The following CYP4F8 variants were observed in gnomAD, a reference collection of about 807,000 sequenced individuals.
CYP4F8 encodes cytochrome P450 4F8.
In CYP4F8, 56 loss-of-function variants were observed where a neutral mutation model predicts 55.0. That is an observed-to-expected ratio of 1.02 (90% CI 0.82 to 1.27). CYP4F8 has a LOEUF of 1.27. Among genes scored for constraint, CYP4F8 ranks in the 50% most tolerant of loss-of-function variants. The pLI, the probability that CYP4F8 is intolerant of heterozygous loss-of-function variation, is 0.00. For missense variants in CYP4F8, 680 were observed against 682.4 expected, an observed-to-expected ratio of 1.00 and a Z score of 0.04; for synonymous variants, 288 against 267.3, an observed-to-expected ratio of 1.08 and a Z score of -0.76.
intron 5 of CYP4F8, 148 bp from the exon 6 acceptor site, chr19:15,622,071 C>T: frequency 1.9e-6 from 2 of 1,062,700 alleles, no homozygotes; most frequent in East Asian, 2.8e-5. Flanking sequence ...CTTCCACTCT[C>T]ACCCAAGCGT....
Position 15,628,401 on chromosome 19 carries a change from C to A in CYP4F8, c.1215C>A (p.Asp405Glu). ...CATTCGCCCGCGGCTGCACCCAGGA[C>A]GTGGTGCTCCCAGACAGCCGAGTCA... ...IPTFARGCTQ[D>E]VVLPDSRVIP... is the part of the protein sequence containing the mutation. Residue 405 changes from aspartate (D) to glutamate (E), a missense_variant, in exon 10 of 13, where the codon GAC (aspartate) becomes GAA (glutamate). Asp to Glu is a conservative substitution (Grantham distance 45, BLOSUM62 2). Transcript: ENST00000612078. 1 of 1,614,100 alleles carries A rather than the reference C, an allele frequency of 6.2e-7. No individual in the cohort carries two copies. Among genetic ancestry groups the A allele is most frequent in the Non-Finnish European group, 8.5e-7 (1 of 1,180,006 alleles).
At chr19:15,624,511 C>A (rs1274187613) in intron 9 of CYP4F8, among the ~76,000 whole-genome samples, 2 of 152,112 alleles carry the variant, frequency 1.3e-5, no homozygotes, top group Non-Finnish European at 2.9e-5. Flanking sequence ...ACTTTCCAGC[C>A]TTTTGGTATA....
In CYP4F8 at chr19:15,619,863, A is replaced by G. The variant is rs1204448118; in HGVS notation, c.525+101A>G. The G allele has an allele frequency of 4.9e-6, 7 of 1,428,488 alleles. No individual in the cohort carries two copies. The African/African-American group carries it at 7.1e-5, about 14-fold the overall frequency. The allele number at this position is 1,428,488 out of a possible 1,614,324, so 88.5% of individuals were successfully genotyped here. ...GGCTCTCCTGGGTGGGTTTGGGGCC[A>G]TTGCTCTTCCTCTCTGTGCCTTGAT... On this transcript the variant is annotated intron_variant, in intron 5 of 12. Coordinates refer to ENST00000612078, the MANE Select transcript of CYP4F8 (RefSeq NM_007253.4).
chr19:15,628,933 T>A lies in CYP4F8; in HGVS notation c.1397+90T>A, dbSNP rs1972299708. 2.8e-6 allele frequency: 4 copies of A among 1,409,546 alleles called. No individual in the cohort carries two copies. In the Admixed American group the frequency reaches 9.0e-5, roughly 32 times the overall value. 87.3% of individuals were successfully genotyped at this position (1,409,546 alleles called of 1,614,324 possible). A position where few individuals can be genotyped will look rare whatever the true frequency, so the allele number is the denominator to read the frequency against. ...ATGCCTGACTTGTAGGACCACGTGT[T>A]TCTGTGATAGGGGTTTTAAAGAAGA... is the stretch of plus-strand genomic sequence containing the variant. On this transcript the variant is annotated intron_variant, in intron 12 of 12. Transcript: ENST00000612078.
At chr19:15,622,453 G>A in intron 6 of CYP4F8, 113 bp downstream of exon 6, 1 of 1,413,532 alleles carries the variant, frequency 7.1e-7, no homozygotes, top group South Asian at 1.3e-5. Context: ...TGAGAACTAG[G>A]CATTGAAGGA....
chr19:15,618,369 G>A, intron 3 of CYP4F8: 1 of 759,984 alleles, frequency 1.3e-6, no homozygotes, highest in Non-Finnish European at 2.2e-6. Context: ...GAACCACTGG[G>A]GCCCCGAGAA....
chr19:15,619,801 G>A, intron 5 of CYP4F8, 39 bp downstream of exon 5: 2 of 1,606,652 alleles, frequency 1.2e-6, no homozygotes, highest in East Asian at 4.5e-5. Context: ...TGCAGCCTTG[G>A]GGTGGAGGGA....
At chr19:15,621,617 G>A (rs1221471775) in intron 5 of CYP4F8, 3 of 152,214 alleles carry the variant, frequency 2.0e-5, no homozygotes, top group African/African-American at 7.2e-5. Context: ...AAAATGTTCA[G>A]GGGGATCACA....
chr19:15,623,857 A>C (rs1972227595), intron 8 of CYP4F8, 92 bp downstream of exon 8: 2 of 1,595,962 alleles, frequency 1.3e-6, no homozygotes. Context: ...CATTCTGCCC[A>C]ACCTCCCCCT....
In CYP4F8 at chr19:15,622,008, C is replaced by T. The variant is rs1292154530; in HGVS notation, c.526-211C>T. 4 of 558,414 alleles carry T rather than the reference C, an allele frequency of 7.2e-6. No homozygotes were observed. In the African/African-American group the frequency reaches 7.8e-5, roughly 11 times the overall value. 34.6% of individuals were successfully genotyped at this position (558,414 alleles called of 1,614,324 possible). A position where few individuals can be genotyped will look rare whatever the true frequency, so the allele number is the denominator to read the frequency against. Reference sequence around the variant, plus strand: ...CCAAGGGTACACACAGCTTAGGAATCACAGCTGGGGCTTGAACCCAGCCAT... The same window carrying T: ...CCAAGGGTACACACAGCTTAGGAATTACAGCTGGGGCTTGAACCCAGCCAT... On this transcript the variant is annotated intron_variant, in intron 5 of 12. Coordinates refer to ENST00000612078, the MANE Select transcript of CYP4F8 (RefSeq NM_007253.4).
In CYP4F8 at chr19:15,628,334, T is replaced by C. The variant is rs1972288029; in HGVS notation, c.1148T>C (p.Met383Thr). 1.9e-6 allele frequency: 3 copies of C among 1,614,104 alleles called. No individual in the cohort carries two copies. Among genetic ancestry groups the C allele is most frequent in the Non-Finnish European group, 8.5e-7 (1 of 1,180,018 alleles). The change falls in exon 10 of 13, where the codon ATG becomes ACG. Residue 383 changes from methionine to threonine, a missense_variant. By Grantham distance (81) the Met-to-Thr change is moderately conservative (BLOSUM62 -1). Coordinates refer to ENST00000612078, the MANE Select transcript of CYP4F8 (RefSeq NM_007253.4). Reference protein sequence around the residue: ...DDLAQLPFLTMCLKESLRLHP... With the variant: ...DDLAQLPFLTTCLKESLRLHP... ...CTGGCCCAGTTGCCCTTCCTGACCA[T>C]GTGCCTGAAGGAGAGCCTGCGGTTG...
In CYP4F8 at chr19:15,628,322, C is replaced by A. The variant is rs758420852; in HGVS notation, c.1136C>A (p.Pro379His). The part of the protein sequence containing the change: ...EIEWDDLAQL[P>H]FLTMCLKESL... ...CTTAGGGACGACCTGGCCCAGTTGCCCTTCCTGACCATGTGCCTGAAGGAG... is the reference window on the plus strand; with the variant it reads ...CTTAGGGACGACCTGGCCCAGTTGCACTTCCTGACCATGTGCCTGAAGGAG... The change falls in exon 10 of 13, where the codon CCC (proline) becomes CAC (histidine). Residue 379 changes from proline to histidine, a missense_variant. By Grantham distance (77) the Pro-to-His change is moderately conservative. Coordinates refer to ENST00000612078, the MANE Select transcript of CYP4F8 (RefSeq NM_007253.4). The A allele has an allele frequency of 3.1e-6, 5 of 1,613,924 alleles. No homozygotes were observed. Among genetic ancestry groups the A allele is most frequent in the Non-Finnish European group, 4.2e-6 (5 of 1,180,024 alleles).
rs1439645443 is a variant in CYP4F8, at chr19:15,629,564, T to G, written c.*206T>G. The stretch of plus-strand genomic sequence containing the variant: ...CTGTGCCCAAGATACTCACTGCCTC[T>G]CTGGGTGAGCACAGGAGCCCCGTGC... On this transcript the variant is annotated 3_prime_UTR_variant, in exon 13 of 13. Transcript: ENST00000612078. 6.1e-6 allele frequency: 4 copies of G among 650,990 alleles called. No individual in the cohort carries two copies. The highest frequency in any genetic ancestry group is 5.1e-5 in the South Asian group (2 of 38,882). 40.3% of individuals were successfully genotyped at this position (650,990 alleles called of 1,614,324 possible). A position where few individuals can be genotyped will look rare whatever the true frequency, so the allele number is the denominator to read the frequency against.
chr19:15,615,358 G>A (rs1972101756), intron 1 of CYP4F8, 78 bp downstream of exon 1: 3 of 375,720 alleles, frequency 8.0e-6, no homozygotes, highest in Non-Finnish European at 9.6e-6. Flanking sequence ...AGCTGGCCCT[G>A]GTGATGGGTG....
intron 5 of CYP4F8, among the ~76,000 whole-genome samples, chr19:15,620,539 C>A (rs556797237): frequency 6.6e-6 from 1 of 152,248 alleles, no homozygotes; most frequent in South Asian, 2.1e-4. Flanking sequence ...TACAGGCGCC[C>A]ACCACCATGC....
Position 15,622,925 on chromosome 19 carries a change from G to C in CYP4F8, c.648-180G>C, listed in dbSNP as rs528798950. ...GAGAGGAGATGCCCATGATGGCCAA[G>C]CTGTGCCCTGGGGACCTGGGGCAGG... On this transcript the variant is annotated intron_variant, in intron 6 of 12. Coordinates refer to ENST00000612078, the MANE Select transcript of CYP4F8 (RefSeq NM_007253.4). The C allele has an allele frequency of 2.0e-4, 130 of 662,922 alleles. 1 individual carries two copies. The East Asian group carries it at 3.5e-3, about 18-fold the overall frequency. 41.1% of individuals were successfully genotyped at this position (662,922 alleles called of 1,614,324 possible).
intron 11 of CYP4F8, 79 bp downstream of exon 11, chr19:15,628,674 C>G: frequency 1.9e-6 from 3 of 1,606,810 alleles, no homozygotes; most frequent in Non-Finnish European, 2.6e-6. Flanking sequence ...GATACTCCCT[C>G]TCTACTCCAC....
In CYP4F8 at chr19:15,629,297, C is replaced by T. The variant is rs1368837499; in HGVS notation, c.1502C>T (p.Thr501Met). ...ILPDHREPRR[T>M]PEIVLRAEDG... ...CCCGACCACAGGGAGCCACGCAGGA[C>T]GCCGGAGATTGTTTTGCGTGCGGAG... The change falls in exon 13 of 13, where the codon ACG (threonine) becomes ATG (methionine). Residue 501 changes from threonine to methionine, a missense_variant. Transcript: ENST00000612078. 6.2e-7 allele frequency: 1 copy of T among 1,613,046 alleles called. No individual in the cohort carries two copies. Among genetic ancestry groups the T allele is most frequent in the African/African-American group, 1.3e-5 (1 of 74,912 alleles).
At chr19:15,619,829 T>C in intron 5 of CYP4F8, 67 bp downstream of exon 5, 2 of 1,571,922 alleles carry the variant, frequency 1.3e-6, no homozygotes, top group Non-Finnish European at 1.7e-6. Context: ...CAATTGGGTC[T>C]GGAATGTTGG....
Sources: allele counts gnomAD v4.1 joint callset (sites outside exome capture counted in the v4.1 genomes callset), GRCh38; gene constraint gnomAD v4.1.1; transcripts MANE v1.5; gene names NCBI Gene and HGNC (gene_info 2026-07-23, HGNC 2026-07-21).